Variants in CFAP92 observed in about 807,000 individuals in gnomAD.
CFAP92 encodes cilia and flagella associated protein 92 (putative), also known as uncharacterized protein CFAP92.
A neutral mutation model predicts 106.3 loss-of-function variants in CFAP92; 86 were observed. That is an observed-to-expected ratio of 0.81 (90% CI 0.68 to 0.97). The LOEUF (loss-of-function observed/expected upper bound fraction) is 0.97. Among genes scored for constraint, CFAP92 ranks in the 50% least tolerant of loss-of-function variants. CFAP92 has a pLI of 0.00. For missense variants in CFAP92, 1,204 were observed against 1,283.8 expected (o/e 0.94, Z 0.95); for synonymous variants, 477 against 506.4 (o/e 0.94, Z 0.78).
intron 10 of CFAP92, among the ~76,000 whole-genome samples, chr3:128,938,234 TAAAAAGAAAG>T (rs763919859): frequency 1.4e-4 from 21 of 150,536 alleles, no homozygotes; most frequent in African/African-American, 4.4e-4. Flanking sequence ...CCTGTCTCAA[TAAAAAGAAAG>T]AAAAAGAAAG....
At chr3:128,940,361 T>C (rs1333165986) in intron 10 of CFAP92, among the ~76,000 whole-genome samples, 1 of 152,208 alleles carries the variant, frequency 6.6e-6, no homozygotes, top group East Asian at 1.9e-4. Flanking sequence ...GTGATATTCC[T>C]GGGTCATATG....
At chr3:128,981,628 G>A (rs971548046) in intron 4 of CFAP92, among the ~76,000 whole-genome samples, 1 of 152,220 alleles carries the variant, frequency 6.6e-6, no homozygotes, top group Non-Finnish European at 1.5e-5. Flanking sequence ...ACCGCACCTG[G>A]ACTTCTAGAA....
At chr3:128,922,935 G>A (rs994605102) in intron 12 of CFAP92, among the ~76,000 whole-genome samples, 4 of 152,164 alleles carry the variant, frequency 2.6e-5, no homozygotes, top group African/African-American at 7.2e-5. Context: ...GATAAGCTTC[G>A]ATTTGCTCTC....
At chr3:129,016,783 T>C in the CFAP92 span, among the ~76,000 whole-genome samples, 1 of 152,146 alleles carries the variant, frequency 6.6e-6, no homozygotes, top group South Asian at 2.1e-4. Context: ...TTTTGAGCAC[T>C]CACTGGGTGT....
chr3:128,919,797 A>G (rs1265242891), intron 12 of CFAP92, among the ~76,000 whole-genome samples: 2 of 152,212 alleles, frequency 1.3e-5, no homozygotes, highest in Non-Finnish European at 2.9e-5. Context: ...ACAAAATTGG[A>G]TTTCAAAATT....
intron 12 of CFAP92, among the ~76,000 whole-genome samples, chr3:128,931,499 GTATA>G (rs1938376857): frequency 2.4e-5 from 3 of 124,660 alleles, no homozygotes; most frequent in African/African-American, 1.1e-4. Flanking sequence ...GTATGTATAT[GTATA>G]TATGTATATA....
chr3:129,003,798 G>A, upstream of CFAP92: 18 of 1,456,340 alleles, frequency 1.2e-5, no homozygotes, highest in Non-Finnish European at 1.6e-5. Flanking sequence ...CCGCAGGTCG[G>A]ACTCTGGAAG....
In CFAP92 at chr3:128,969,371, A is replaced by C. The variant is rs540004381; in HGVS notation, c.1168+1916T>G. ...AGACAATCACGAGGTCAGGAGTTCAAGACCAGCCTGGCCAAAATTGTGAAA... is the reference window on the plus strand; with the variant it reads ...AGACAATCACGAGGTCAGGAGTTCACGACCAGCCTGGCCAAAATTGTGAAA... On this transcript the variant is annotated intron_variant, in intron 8 of 15. Coordinates refer to ENST00000645291, the MANE Select transcript of CFAP92 (RefSeq NM_001394090.1). 4.6e-5 allele frequency: 7 copies of C among 152,366 alleles called. 1 individual carries two copies. The South Asian group carries it at 1.4e-3, about 32-fold the overall frequency. The allele number at this position is 152,366 out of a possible 1,614,324, so 9.4% of individuals were successfully genotyped here. A position where few individuals can be genotyped will look rare whatever the true frequency, so the allele number is the denominator to read the frequency against.
intron 10 of CFAP92, among the ~76,000 whole-genome samples, chr3:128,937,796 C>T (rs1017386710): frequency 6.6e-6 from 1 of 151,958 alleles, no homozygotes; most frequent in African/African-American, 2.4e-5. Flanking sequence ...TGCACTGGCT[C>T]ACACCTGTAA....
chr3:128,950,414 G>A (rs145050222), intron 9 of CFAP92, among the ~76,000 whole-genome samples: 68 of 152,328 alleles, frequency 4.5e-4, no homozygotes, highest in African/African-American at 1.6e-3. Context: ...GGAGGAAAAC[G>A]TCTGACCTGG....
chr3:128,960,851 G>A (rs537555671), intron 9 of CFAP92, among the ~76,000 whole-genome samples: 46 of 151,932 alleles, frequency 3.0e-4, no homozygotes, highest in Admixed American at 2.8e-3. Context: ...TCCTGGGGCA[G>A]GGGCAAGTAC....
At chr3:128,912,284 T>G (rs1052493562) in intron 15 of CFAP92, among the ~76,000 whole-genome samples, 1 of 151,732 alleles carries the variant, frequency 6.6e-6, no homozygotes, top group African/African-American at 2.4e-5. Flanking sequence ...GATCTGGGGG[T>G]TAGAGATGAG....
At chr3:128,911,035 A>ATGTG (rs375679286) in intron 15 of CFAP92, among the ~76,000 whole-genome samples, 1 of 151,968 alleles carries the variant, frequency 6.6e-6, no homozygotes, top group East Asian at 1.9e-4. Context: ...GTATGTATAT[A>ATGTG]TGTGTGTGTG....
chr3:128,937,206 T>C (rs1939110909), intron 10 of CFAP92, among the ~76,000 whole-genome samples: 1 of 148,840 alleles, frequency 6.7e-6, no homozygotes, highest in Admixed American at 6.8e-5. Flanking sequence ...GAGGCTGAGA[T>C]GGGAGGATGG....
In CFAP92 at chr3:128,945,667, C is replaced by T. The variant is rs1251105202; in HGVS notation, c.1662G>A (p.Glu554=). 7 of 1,536,102 alleles carry T rather than the reference C, an allele frequency of 4.6e-6. No homozygotes were observed. The highest frequency in any genetic ancestry group is 2.4e-5 in the East Asian group (1 of 40,916). The part of the protein sequence containing the change: ...SPRETENNPF[E]SQNKMWYPYG... ...AAGGGTACCACATCTTGTTCTGGGA[C>T]TCAAAGGGGTTGTTCTCTGTCTCTC... The change falls in exon 10 of 16, where the codon GAG becomes GAA. Residue 554 remains glutamate (E), a synonymous_variant. Transcript: ENST00000645291.
chr3:128,968,196 G>A (rs1249347321), intron 8 of CFAP92: 3 of 152,176 alleles, frequency 2.0e-5, no homozygotes, highest in Non-Finnish European at 2.9e-5. Flanking sequence ...TAGAAAATAC[G>A]TTGTAGAACC....
intron 9 of CFAP92, among the ~76,000 whole-genome samples, chr3:128,956,215 T>TAAAAAAAAAAA (rs545191144): frequency 1.2e-4 from 8 of 68,716 alleles, no homozygotes; most frequent in Non-Finnish European, 1.8e-4. Flanking sequence ...AATAAAAAAA[T>TAAAAAAAAAAA]AAAAAAAAAA....
chr3:128,935,699 C>T (rs961675492), intron 10 of CFAP92, among the ~76,000 whole-genome samples: 1 of 151,712 alleles, frequency 6.6e-6, no homozygotes, highest in Non-Finnish European at 1.5e-5. Context: ...GTAACAAGAG[C>T]GAAACTCCGT....
At chr3:128,959,602 C>G (rs1325584989) in intron 9 of CFAP92, among the ~76,000 whole-genome samples, 1 of 152,176 alleles carries the variant, frequency 6.6e-6, no homozygotes, top group Non-Finnish European at 1.5e-5. Context: ...AACAGCAGTG[C>G]TGAACCTGGT....
Sources: allele counts gnomAD v4.1 joint callset (sites outside exome capture counted in the v4.1 genomes callset), GRCh38; gene constraint gnomAD v4.1.1; transcripts MANE v1.5; gene names NCBI Gene and HGNC (gene_info 2026-07-23, HGNC 2026-07-21).